CSTF3: variants seen among roughly 807,000 people sequenced by gnomAD.
CSTF3 encodes cleavage stimulation factor subunit 3, also known as CF-1 77 kDa subunit.
A neutral mutation model predicts 105.8 loss-of-function variants in CSTF3; 29 were observed. The observed-to-expected ratio is 0.27, with a 90% CI of 0.20 to 0.37. CSTF3 has a LOEUF of 0.37. Among genes scored for constraint, CSTF3 ranks in the 10% least tolerant of loss-of-function variants. The pLI is 1.00. For missense variants in CSTF3, 357 were observed against 879.3 expected (o/e 0.41, Z 7.51); for synonymous variants, 252 against 281.9 (o/e 0.89, Z 1.06).
intron 3 of CSTF3, among the ~76,000 whole-genome samples, chr11:33,120,049 T>C (rs1170601192): frequency 6.6e-6 from 1 of 151,766 alleles, no homozygotes; most frequent in African/African-American, 2.4e-5. Context: ...CCTTTGATAG[T>C]AAAATATGAA....
chr11:33,112,424 A>G (rs958298165), intron 3 of CSTF3, among the ~76,000 whole-genome samples: 4 of 152,228 alleles, frequency 2.6e-5, no homozygotes, highest in Non-Finnish European at 5.9e-5. Flanking sequence ...ATCAAGAATT[A>G]AAAAGAATAT....
At chr11:33,150,343 T>C (rs1394896674) in intron 1 of CSTF3, among the ~76,000 whole-genome samples, 2 of 152,046 alleles carry the variant, frequency 1.3e-5, no homozygotes, top group Non-Finnish European at 2.9e-5. Flanking sequence ...TCCCAAAAAC[T>C]TATTACTATC....
At chr11:33,158,833 GCAAA>G (rs916735415) in intron 1 of CSTF3, among the ~76,000 whole-genome samples, 50 of 152,170 alleles carry the variant, frequency 3.3e-4, no homozygotes, top group African/African-American at 1.1e-3. Context: ...AAGCAAGCAA[GCAAA>G]CAAACAACAA....
rs756855773 is a variant in CSTF3, at chr11:33,099,584, T to C, written c.936+24A>G. The C allele has an allele frequency of 1.4e-6, 2 of 1,436,006 alleles. No homozygotes were observed. The highest frequency in any genetic ancestry group is 1.9e-6 in the Non-Finnish European group (2 of 1,034,472). The allele number at this position is 1,436,006 out of a possible 1,614,324, so 89.0% of individuals were successfully genotyped here. A position where few individuals can be genotyped will look rare whatever the true frequency, so the allele number is the denominator to read the frequency against. ...TATCAAAACCACAAAAATATCAAAG[T>C]GGGGATAGGGAAGGAACACTTACTC... is the stretch of plus-strand genomic sequence containing the variant. On this transcript the variant is annotated intron_variant, in intron 11 of 20. Transcript: ENST00000323959. The surrounding 1 kb of genome is among the most constrained non-coding windows in gnomAD (Gnocchi z 4.1).
intron 1 of CSTF3, among the ~76,000 whole-genome samples, chr11:33,155,594 C>CA (rs1483552035): frequency 6.6e-6 from 1 of 152,086 alleles, no homozygotes; most frequent in African/African-American, 2.4e-5. Flanking sequence ...CTAAGTCAAA[C>CA]ATTAGAAAAA....
In CSTF3 at chr11:33,109,635, A is replaced by G. The variant is rs151168923; in HGVS notation, c.226-1217T>C. ...TTGTCAGGGCTATTCTGAGGACTCA[A>G]TGAGTTAATAAATGTGAAGCCTTTA... On this transcript the variant is annotated intron_variant, in intron 3 of 20. Transcript: ENST00000323959. 2.4e-3 allele frequency among the ~76,000 whole-genome samples: 373 copies of G among 152,268 alleles called. 1 individual carries two copies. The highest frequency in any genetic ancestry group is 8.6e-3 in the African/African-American group (358 of 41,546).
At chr11:33,151,920 G>C (rs1364352327) in intron 1 of CSTF3, among the ~76,000 whole-genome samples, 1 of 152,124 alleles carries the variant, frequency 6.6e-6, no homozygotes, top group Non-Finnish European at 1.5e-5. Flanking sequence ...TTGTGGTTTT[G>C]ATTTACATTT....
At chr11:33,150,811 A>C (rs2133806354) in intron 1 of CSTF3, among the ~76,000 whole-genome samples, 1 of 151,898 alleles carries the variant, frequency 6.6e-6, no homozygotes, top group Non-Finnish European at 1.5e-5. Flanking sequence ...AACCAAGATC[A>C]CACCACTGCA....
chr11:33,128,069 G>A (rs935120706), intron 3 of CSTF3, among the ~76,000 whole-genome samples: 1 of 152,130 alleles, frequency 6.6e-6, no homozygotes, highest in South Asian at 2.1e-4. Context: ...GGATAAGCTA[G>A]ACGCTGGCAA....
chr11:33,128,843 TTC>T (rs1354185465), intron 3 of CSTF3, among the ~76,000 whole-genome samples: 1 of 152,138 alleles, frequency 6.6e-6, no homozygotes, highest in Non-Finnish European at 1.5e-5. Flanking sequence ...AAAGCATGTT[TTC>T]TCTCTTTCCT....
At chr11:33,088,174 C>T (rs1414562565) in intron 17 of CSTF3, among the ~76,000 whole-genome samples, 1 of 151,834 alleles carries the variant, frequency 6.6e-6, no homozygotes, top group African/African-American at 2.4e-5. Flanking sequence ...ATACCACCCA[C>T]CGTTAAACAC....
intron 1 of CSTF3, chr11:33,144,961 A>G (rs1218449313): frequency 6.1e-6 from 1 of 164,026 alleles, no homozygotes; most frequent in South Asian, 1.1e-4. Flanking sequence ...TGGGTGACAG[A>G]GCCAGACCCT....
rs925613479 is a variant in CSTF3 at position 33,096,184 on chromosome 11, G to A, written c.1375+122C>T. ...GATATACCACAAGTATTTCTTGAGT[G>A]CCTAACAAGTGCCTGTCTGCTATGT... On this transcript the variant is annotated intron_variant, in intron 15 of 20. Transcript: ENST00000323959. 1.9e-5 allele frequency: 11 copies of A among 594,450 alleles called. No individual in the cohort carries two copies. The African/African-American group carries it at 2.0e-4, about 11-fold the overall frequency. 36.8% of individuals were successfully genotyped at this position (594,450 alleles called of 1,614,324 possible).
intron 1 of CSTF3, among the ~76,000 whole-genome samples, chr11:33,151,652 T>C (rs1855861897): frequency 6.6e-6 from 1 of 152,252 alleles, no homozygotes; most frequent in African/African-American, 2.4e-5. Flanking sequence ...AATGTTACTA[T>C]GAACATTAGT....
chr11:33,118,205 TA>T lies in CSTF3; in HGVS notation c.226-9788del, dbSNP rs909934498. On this transcript the variant is annotated intron_variant, in intron 3 of 20. Coordinates refer to ENST00000323959, the MANE Select transcript of CSTF3 (RefSeq NM_001326.3). ...ACATCCCCACTTTAAAATCTACTTT[TA>T]AATCCTCTCAAATTCTTAGCCAGGC... 2.4e-3 allele frequency among the ~76,000 whole-genome samples: 361 copies of T among 151,966 alleles called. 9 individuals are homozygous for T. Among genetic ancestry groups the T allele is most frequent in the Admixed American group, 0.022 (343 of 15,262 alleles).
chr11:33,134,194 C>A (rs1343696350), intron 3 of CSTF3, among the ~76,000 whole-genome samples: 1 of 152,144 alleles, frequency 6.6e-6, no homozygotes, highest in Non-Finnish European at 1.5e-5. Flanking sequence ...AAAGTAATTT[C>A]AAAATAAAGT....
chr11:33,130,361 TA>T lies in CSTF3; in HGVS notation c.225+11305del, dbSNP rs553381692. The stretch of plus-strand genomic sequence containing the variant: ...GGTGATGGGCGCCTGTAATCCCAGC[TA>T]CTCGGGAGGCTGAGCCAGGAGAATC... On this transcript the variant is annotated intron_variant, in intron 3 of 20. Transcript: ENST00000323959. Among the ~76,000 whole-genome samples, 219 of 152,192 alleles carry T rather than the reference TA, an allele frequency of 1.4e-3. 1 individual carries two copies. Among genetic ancestry groups the T allele is most frequent in the Middle Eastern group, 6.8e-3 (2 of 294 alleles).
intron 1 of CSTF3, among the ~76,000 whole-genome samples, chr11:33,146,548 G>C (rs1855785186): frequency 6.7e-6 from 1 of 149,598 alleles, no homozygotes; most frequent in Admixed American, 6.7e-5. Context: ...ACAAAACCCT[G>C]TCTCTATTTG....
chr11:33,158,918 G>T (rs1296479764), intron 1 of CSTF3, among the ~76,000 whole-genome samples: 1 of 152,100 alleles, frequency 6.6e-6, no homozygotes, highest in Admixed American at 6.6e-5. Context: ...CCCCAGGGGA[G>T]AAGAATGGTG....
Sources: allele counts gnomAD v4.1 joint callset (sites outside exome capture counted in the v4.1 genomes callset), GRCh38; gene constraint gnomAD v4.1.1; non-coding constraint Gnocchi (gnomAD v3.1); transcripts MANE v1.5; gene names NCBI Gene and HGNC (gene_info 2026-07-23, HGNC 2026-07-21).